The following HPSE2 variants were observed in gnomAD, a reference collection of about 807,000 sequenced individuals.
The protein encoded by HPSE2 is heparanase 2 (inactive), also known as inactive heparanase-2.
A neutral mutation model predicts 60.5 loss-of-function variants in HPSE2; 38 were observed. The ratio of observed to expected loss-of-function variants is 0.63; its 90% CI spans 0.48 to 0.82. HPSE2 has a LOEUF of 0.82. HPSE2 is among the 40% of genes least tolerant of loss of function. The pLI, the probability that HPSE2 is intolerant of heterozygous loss-of-function variation, is 0.00. For synonymous variants in HPSE2, 295 were observed against 293.2 expected (o/e 1.01, Z -0.06); for missense variants, 713 against 740.4 (o/e 0.96, Z 0.43).
intron 2 of HPSE2, among the ~76,000 whole-genome samples, chr10:99,147,703 T>C (rs1463631223): frequency 6.6e-6 from 1 of 152,208 alleles, no homozygotes; most frequent in Non-Finnish European, 1.5e-5. Context: ...AGATATGCTG[T>C]ATCTAAAGTA....
At position 98,837,663 on chromosome 10, in the gene HPSE2, A is replaced by T. The variant is rs376992838; in HGVS notation, c.611-93607T>A. Among the ~76,000 whole-genome samples, 457 of 151,496 alleles carry T rather than the reference A, an allele frequency of 3.0e-3. 1 individual carries two copies. Among genetic ancestry groups the T allele is most frequent in the African/African-American group, 0.011 (438 of 41,066 alleles). On this transcript the variant is annotated intron_variant, in intron 3 of 11. Transcript: ENST00000370552. ...GCCGAGGCGGGCGGATCACGAGGTCAGCAGATCGAGACCATTCTGCCTAAC... is the reference window on the plus strand; with the variant it reads ...GCCGAGGCGGGCGGATCACGAGGTCTGCAGATCGAGACCATTCTGCCTAAC...
At chr10:99,301,629 C>G in the HPSE2 span, among the ~76,000 whole-genome samples, 1 of 152,258 alleles carries the variant, frequency 6.6e-6, no homozygotes, top group Non-Finnish European at 1.5e-5. Context: ...CATCCTAACT[C>G]AAAGGTTAGG....
chr10:98,933,578 G>A (rs11594234), intron 3 of HPSE2, among the ~76,000 whole-genome samples: 4,081 of 143,560 alleles, frequency 0.028, 393 homozygotes, highest in South Asian at 0.058. Context: ...CTATTATTGT[G>A]TGGGGGTCTA....
intron 3 of HPSE2, among the ~76,000 whole-genome samples, chr10:99,097,616 C>A (rs1424062991): frequency 2.6e-5 from 4 of 152,114 alleles, no homozygotes; most frequent in Non-Finnish European, 4.4e-5. Flanking sequence ...CAATAGTAAT[C>A]TTTTAAAATT....
At chr10:98,918,412 A>C (rs976859556) in intron 3 of HPSE2, among the ~76,000 whole-genome samples, 16 of 151,726 alleles carry the variant, frequency 1.1e-4, no homozygotes, top group Non-Finnish European at 1.9e-4. Flanking sequence ...CACAATAGCA[A>C]AGACTTGGAA....
chr10:99,298,669 CTT>C, the HPSE2 span, among the ~76,000 whole-genome samples: 644 of 144,124 alleles, frequency 4.5e-3, 4 homozygotes, highest in African/African-American at 0.015. Flanking sequence ...TATGTATAGG[CTT>C]TTTTTTTTTC....
At chr10:98,520,077 A>G (rs1942736351) in intron 9 of HPSE2, among the ~76,000 whole-genome samples, 1 of 152,178 alleles carries the variant, frequency 6.6e-6, no homozygotes, top group Non-Finnish European at 1.5e-5. Flanking sequence ...AAAAGCATTT[A>G]ATTCCATCTG....
intron 2 of HPSE2, among the ~76,000 whole-genome samples, chr10:99,214,396 CTT>C (rs1403224910): frequency 6.6e-6 from 1 of 152,126 alleles, no homozygotes; most frequent in Non-Finnish European, 1.5e-5. Context: ...CATACAAAAA[CTT>C]GTATACAAAT....
chr10:98,736,149 C>G (rs1180174458), intron 4 of HPSE2, among the ~76,000 whole-genome samples: 1 of 151,646 alleles, frequency 6.6e-6, no homozygotes, highest in Non-Finnish European at 1.5e-5. Flanking sequence ...CCATACTGTT[C>G]TCATGGTAGT....
chr10:98,524,331 C>T (rs924207260), intron 9 of HPSE2, among the ~76,000 whole-genome samples: 48 of 152,214 alleles, frequency 3.2e-4, no homozygotes, highest in Admixed American at 1.2e-3. Flanking sequence ...CTGGTGGAGC[C>T]GTAATGCCAG....
chr10:98,852,153 G>A lies in HPSE2; in HGVS notation c.611-108097C>T, dbSNP rs1210949674. ...TGTGTGTGTGTGTGTGTGTGTGTGT[G>A]TGTGTGTGTGTGTATATATGTTTGG... is the stretch of plus-strand genomic sequence containing the variant. On this transcript the variant is annotated intron_variant, in intron 3 of 11. Coordinates refer to ENST00000370552, the MANE Select transcript of HPSE2 (RefSeq NM_021828.5). Among the ~76,000 whole-genome samples, 5 of 131,080 alleles carry A rather than the reference G, an allele frequency of 3.8e-5. 1 individual carries two copies. The highest frequency in any genetic ancestry group is 1.7e-4 in the African/African-American group (5 of 29,706). The allele number at this position is 131,080 out of a possible 152,430, so 86.0% of individuals were successfully genotyped here.
chr10:98,822,731 C>T (rs837721), intron 3 of HPSE2, among the ~76,000 whole-genome samples: 123,980 of 152,120 alleles, frequency 0.82, 50,905 homozygotes, highest in African/African-American at 0.87. Context: ...TGGGAGATAA[C>T]GCTATGCAAA....
chr10:98,932,329 A>G (rs1954663386), intron 3 of HPSE2, among the ~76,000 whole-genome samples: 2 of 144,234 alleles, frequency 1.4e-5, no homozygotes, highest in Admixed American at 1.4e-4. Flanking sequence ...CGACCTGATC[A>G]TGGTGGATAA....
intron 3 of HPSE2, among the ~76,000 whole-genome samples, chr10:99,120,805 T>C (rs765385609): frequency 2.6e-4 from 40 of 152,224 alleles, no homozygotes; most frequent in Middle Eastern, 3.4e-3. Flanking sequence ...AGTCAAAACA[T>C]AACAGATGCT....
intron 9 of HPSE2, among the ~76,000 whole-genome samples, chr10:98,514,269 G>A (rs576189668): frequency 6.6e-6 from 1 of 152,194 alleles, no homozygotes; most frequent in East Asian, 1.9e-4. Flanking sequence ...GTGGAAGGGG[G>A]AGGCAAGAAT....
chr10:98,677,269 G>C (rs1216185666), intron 6 of HPSE2, among the ~76,000 whole-genome samples: 1 of 152,154 alleles, frequency 6.6e-6, no homozygotes, highest in Non-Finnish European at 1.5e-5. Context: ...ACTATCTTTT[G>C]AATGAATTAA....
chr10:98,917,823 T>A (rs1954164471), intron 3 of HPSE2, among the ~76,000 whole-genome samples: 2 of 152,168 alleles, frequency 1.3e-5, no homozygotes, highest in Admixed American at 6.5e-5. Context: ...AGCAAGGAAG[T>A]TTCATTTCTT....
chr10:98,980,398 A>T (rs990522884), intron 3 of HPSE2, among the ~76,000 whole-genome samples: 1 of 152,190 alleles, frequency 6.6e-6, no homozygotes, highest in Non-Finnish European at 1.5e-5. Flanking sequence ...AGCAAGGAAA[A>T]AAAATCAATT....
chr10:99,186,385 A>G (rs1032687573), intron 2 of HPSE2, among the ~76,000 whole-genome samples: 8 of 151,906 alleles, frequency 5.3e-5, no homozygotes, highest in African/African-American at 1.7e-4. Flanking sequence ...TCTACTAAAA[A>G]TACAAAAATT....
Sources: allele counts gnomAD v4.1 joint callset (sites outside exome capture counted in the v4.1 genomes callset), GRCh38; gene constraint gnomAD v4.1.1; transcripts MANE v1.5; gene names NCBI Gene and HGNC (gene_info 2026-07-23, HGNC 2026-07-21).